Variants in DOK6 observed in about 807,000 individuals in gnomAD.
The protein encoded by DOK6 is docking protein 6.
A neutral mutation model predicts 44.0 loss-of-function variants in DOK6; 22 were observed. The observed-to-expected ratio is 0.50, with a 90% CI of 0.36 to 0.71. The LOEUF is 0.71. Ranked by LOEUF, DOK6 falls within the 30% of genes least tolerant of loss-of-function variation. The pLI is 0.00. For missense variants in DOK6, 340 were observed against 416.4 expected (o/e 0.82, Z 1.60); for synonymous variants, 166 against 145.5 (o/e 1.14, Z -1.01).
chr18:69,604,948 AC>A (rs1356323870), intron 3 of DOK6, among the ~76,000 whole-genome samples: 1 of 152,074 alleles, frequency 6.6e-6, no homozygotes, highest in African/African-American at 2.4e-5. Flanking sequence ...GTCTGAAGAA[AC>A]CCACTTTCTA....
At chr18:69,404,421 C>A (rs1359703169) in intron 1 of DOK6, among the ~76,000 whole-genome samples, 1 of 152,096 alleles carries the variant, frequency 6.6e-6, no homozygotes, top group Non-Finnish European at 1.5e-5. Context: ...TGGTTTGCAG[C>A]CAAACTAAGA....
At chr18:69,815,339 C>T (rs1242013175) in intron 7 of DOK6, among the ~76,000 whole-genome samples, 4 of 152,158 alleles carry the variant, frequency 2.6e-5, no homozygotes, top group African/African-American at 9.6e-5. Context: ...ATTGTATTAT[C>T]TCACTTGTTG....
chr18:69,612,081 C>A (rs1984155524), intron 3 of DOK6, among the ~76,000 whole-genome samples: 1 of 152,040 alleles, frequency 6.6e-6, no homozygotes, highest in African/African-American at 2.4e-5. Context: ...GGAAACTGGA[C>A]AAAATGTACA....
intron 1 of DOK6, among the ~76,000 whole-genome samples, chr18:69,560,642 G>T (rs1982806763): frequency 6.6e-6 from 1 of 152,096 alleles, no homozygotes; most frequent in African/African-American, 2.4e-5. Flanking sequence ...TACCCATATT[G>T]GTTATAGATG....
At chr18:69,512,018 G>A (rs8082828) in intron 1 of DOK6, among the ~76,000 whole-genome samples, 18,655 of 152,064 alleles carry the variant, frequency 0.12, 1,351 homozygotes, top group Non-Finnish European at 0.16. Flanking sequence ...TGACCCTGAC[G>A]ATCACAATAA....
intron 5 of DOK6, among the ~76,000 whole-genome samples, chr18:69,700,415 C>T (rs907441514): frequency 3.9e-5 from 6 of 151,966 alleles, no homozygotes; most frequent in Non-Finnish European, 8.8e-5. Flanking sequence ...TAGACTTCCA[C>T]TCAAAATTTT....
chr18:69,666,860 A>G (rs1259215000), intron 3 of DOK6, among the ~76,000 whole-genome samples: 2 of 152,342 alleles, frequency 1.3e-5, no homozygotes, highest in Middle Eastern at 3.4e-3. Context: ...TGTACTCAGC[A>G]TGAGACCAAC....
intron 5 of DOK6, among the ~76,000 whole-genome samples, chr18:69,718,882 T>C (rs1986942101): frequency 6.6e-6 from 1 of 152,120 alleles, no homozygotes. Flanking sequence ...ATGAGTATAC[T>C]AGATTCTAAC....
chr18:69,440,824 G>T (rs761022807), intron 1 of DOK6, among the ~76,000 whole-genome samples: 1 of 151,728 alleles, frequency 6.6e-6, no homozygotes, highest in East Asian at 1.9e-4. Context: ...AAAAAATAAT[G>T]GTCGATTTAT....
chr18:69,403,292 C>G (rs1056551632), intron 1 of DOK6, among the ~76,000 whole-genome samples: 1 of 152,130 alleles, frequency 6.6e-6, no homozygotes, highest in African/African-American at 2.4e-5. Flanking sequence ...TTTCACACAA[C>G]AAAAACTGAG....
chr18:69,525,892 T>C (rs1464301158), intron 1 of DOK6, among the ~76,000 whole-genome samples: 3 of 152,086 alleles, frequency 2.0e-5, no homozygotes, highest in African/African-American at 7.2e-5. Context: ...GAGTCATGTG[T>C]AAATCTGGCC....
intron 7 of DOK6, among the ~76,000 whole-genome samples, chr18:69,799,275 T>TTTAAGAAGTTTA (rs1980835263): frequency 6.6e-6 from 1 of 152,208 alleles, no homozygotes; most frequent in African/African-American, 2.4e-5. Flanking sequence ...ATTCCTATTC[T>TTTAAGAAGTTTA]TTAAGAAGTT....
At chr18:69,761,012 G>A (rs1240992371) in intron 7 of DOK6, among the ~76,000 whole-genome samples, 3 of 107,970 alleles carry the variant, frequency 2.8e-5, no homozygotes, top group East Asian at 5.4e-4. Flanking sequence ...GTAGGAGCCT[G>A]CCTTTCCCGG....
intron 3 of DOK6, among the ~76,000 whole-genome samples, chr18:69,672,850 A>G (rs1339994713): frequency 6.6e-6 from 1 of 152,226 alleles, no homozygotes; most frequent in Non-Finnish European, 1.5e-5. Flanking sequence ...TTAAATGACA[A>G]TAAGGGAGAG....
intron 2 of DOK6, among the ~76,000 whole-genome samples, chr18:69,584,056 C>G (rs1249654399): frequency 3.5e-5 from 5 of 143,002 alleles, no homozygotes; most frequent in African/African-American, 7.8e-5. Flanking sequence ...TGCAGTGAGC[C>G]GAGATCGCGC....
intron 3 of DOK6, among the ~76,000 whole-genome samples, chr18:69,616,903 T>C (rs932705910): frequency 7.2e-5 from 11 of 152,250 alleles, no homozygotes; most frequent in Non-Finnish European, 1.6e-4. Context: ...TCATTTGAAA[T>C]GTTGAATGAG....
chr18:69,405,985 A>G (rs981989503), intron 1 of DOK6, among the ~76,000 whole-genome samples: 1 of 152,174 alleles, frequency 6.6e-6, no homozygotes, highest in Non-Finnish European at 1.5e-5. Flanking sequence ...TGTGGTATCT[A>G]TGTTTATTTA....
rs140182999 is a variant in DOK6 at position 69,506,860 on chromosome 18, C to T, written c.67-57627C>T. Among the ~76,000 whole-genome samples the T allele has an allele frequency of 3.3e-3, 489 of 150,368 alleles. 3 individuals are homozygous for T. The highest frequency in any genetic ancestry group is 5.8e-3 in the Non-Finnish European group (389 of 67,458). ...AACATTTTGAATTTGCATTGCTTCACACCTTGTTGAAAATGCACACACACA... is the reference window on the plus strand; with the variant it reads ...AACATTTTGAATTTGCATTGCTTCATACCTTGTTGAAAATGCACACACACA... On this transcript the variant is annotated intron_variant, in intron 1 of 7. Coordinates refer to ENST00000382713, the MANE Select transcript of DOK6 (RefSeq NM_152721.6).
chr18:69,459,735 C>A (rs1391494835), intron 1 of DOK6, among the ~76,000 whole-genome samples: 1 of 152,090 alleles, frequency 6.6e-6, no homozygotes, highest in Non-Finnish European at 1.5e-5. Flanking sequence ...TCATAATTCT[C>A]ATTTAGGGAA....
Sources: gnomAD v4.1 joint callset for allele counts (sites outside exome capture counted in the v4.1 genomes callset) on GRCh38, gnomAD v4.1.1 for gene constraint, MANE v1.5 for transcripts, NCBI Gene and HGNC (gene_info 2026-07-23, HGNC 2026-07-21) for gene names.